The following SORBS2 variants were observed in gnomAD, a reference collection of about 807,000 sequenced individuals.
The protein encoded by SORBS2 is sorbin and SH3 domain containing 2.
Under a neutral mutation model 97.7 loss-of-function variants are expected in SORBS2, and 46 were observed. The observed-to-expected ratio is 0.47, with a 90% CI of 0.37 to 0.60. The LOEUF (loss-of-function observed/expected upper bound fraction) is 0.60. Among genes scored for constraint, SORBS2 ranks in the 20% least tolerant of loss-of-function variants. The probability of loss-of-function intolerance (pLI) is 0.00; values close to 1 mark genes in which losing one functional copy is unlikely to be tolerated. For missense variants in SORBS2, 1,316 were observed against 1,282.3 expected (o/e 1.03, Z -0.40); for synonymous variants, 476 against 473.4 (o/e 1.01, Z -0.07).
At chr4:185,656,209 T>C (rs548753454) in intron 1 of SORBS2, among the ~76,000 whole-genome samples, 28 of 152,354 alleles carry the variant, frequency 1.8e-4, no homozygotes, top group Non-Finnish European at 3.7e-4. Context: ...TAGAATGTCA[T>C]ATCACATTCA....
chr4:185,605,008 C>T (rs4308407), intron 12 of SORBS2, among the ~76,000 whole-genome samples: 98,323 of 151,782 alleles, frequency 0.65, 32,805 homozygotes, highest in East Asian at 0.91. Flanking sequence ...ATCACACCTT[C>T]AGATTGATTG....
intron 1 of SORBS2, among the ~76,000 whole-genome samples, chr4:185,821,549 G>A (rs953409116): frequency 1.5e-4 from 23 of 151,942 alleles, no homozygotes; most frequent in Admixed American, 9.2e-4. Context: ...TCAGCCTCCC[G>A]AGTAGCTGGG....
At chr4:185,894,302 G>A (rs1190419565) in intron 1 of SORBS2, 3 of 152,126 alleles carry the variant, frequency 2.0e-5, no homozygotes, top group Non-Finnish European at 4.4e-5. Context: ...CTCACCAGGT[G>A]CTTCATGGCC....
At position 185,943,743 on chromosome 4, in the gene SORBS2, G is replaced by A. The variant is rs570434487; in HGVS notation, c.-338+12453C>T. On this transcript the variant is annotated intron_variant, in intron 1 of 20. Transcript: ENST00000284776. ...AAGACTAAAAGTGAAATGGACGTTA[G>A]GTTATATTAGAAAACTATTAATTTT... 6.6e-5 allele frequency among the ~76,000 whole-genome samples: 10 copies of A among 152,220 alleles called. No homozygotes were observed. In the South Asian group the frequency reaches 1.9e-3, roughly 28 times the overall value.
At chr4:185,650,941 T>C (rs2097302755) in intron 2 of SORBS2, among the ~76,000 whole-genome samples, 1 of 152,078 alleles carries the variant, frequency 6.6e-6, no homozygotes, top group East Asian at 1.9e-4. Flanking sequence ...TTAAAGGGCC[T>C]GAATGTGGTC....
intron 3 of SORBS2, among the ~76,000 whole-genome samples, chr4:185,647,523 C>G (rs920336429): frequency 2.0e-5 from 3 of 150,948 alleles, no homozygotes; most frequent in Admixed American, 6.6e-5. Context: ...CTCAAGCCAT[C>G]CTCTCTCCTC....
intron 2 of SORBS2, among the ~76,000 whole-genome samples, chr4:185,717,208 A>T (rs540377324): frequency 6.6e-6 from 1 of 152,294 alleles, no homozygotes; most frequent in South Asian, 2.1e-4. Context: ...ATTCCCCGGG[A>T]GCGACCTTCA....
rs375535054 is a variant in SORBS2, at chr4:185,587,694, A to C, written c.2954-6T>G. ...TTTGGTTCTTCTTGAGGTCCCTGAA[A>C]ATAGAAGCGAGTCATGAAAGGGGGG... On this transcript the variant is annotated splice_polypyrimidine_tract_variant and splice_region_variant and intron_variant, in intron 14 of 14. Coordinates refer to ENST00000418609, the Ensembl canonical transcript of SORBS2. The C allele has an allele frequency of 5.5e-4, 888 of 1,611,088 alleles. 1 individual carries two copies. The highest frequency in any genetic ancestry group is 6.9e-4 in the Non-Finnish European group (807 of 1,177,860).
chr4:185,923,760 C>T (rs7682613), intron 1 of SORBS2, among the ~76,000 whole-genome samples: 4 of 152,048 alleles, frequency 2.6e-5, no homozygotes, highest in Non-Finnish European at 4.4e-5. Flanking sequence ...CACTTCTACA[C>T]GACCTCCTTC....
At chr4:185,592,309 T>G (rs942462370) in intron 13 of SORBS2, among the ~76,000 whole-genome samples, 8 of 152,218 alleles carry the variant, frequency 5.3e-5, no homozygotes, top group Non-Finnish European at 1.2e-4. Context: ...CAGGCTATAA[T>G]CAAATATAAA....
chr4:185,730,372 T>G (rs1367579921), intron 2 of SORBS2, among the ~76,000 whole-genome samples: 2 of 143,578 alleles, frequency 1.4e-5, no homozygotes, highest in Non-Finnish European at 3.0e-5. Context: ...ATCTGGAGAG[T>G]GGGTTGAAGT....
At chr4:185,722,472 C>T (rs1348783066) in intron 2 of SORBS2, among the ~76,000 whole-genome samples, 1 of 152,176 alleles carries the variant, frequency 6.6e-6, no homozygotes, top group African/African-American at 2.4e-5. Context: ...GAAGCAGCTA[C>T]ATTGCCTTTT....
At chr4:185,725,043 T>G (rs62334814) in intron 2 of SORBS2, among the ~76,000 whole-genome samples, 6,310 of 152,302 alleles carry the variant, frequency 0.041, 195 homozygotes, top group Non-Finnish European at 0.062. Flanking sequence ...GAATCATACA[T>G]AAGACGGTGT....
chr4:185,854,774 G>C (rs1406968944), intron 1 of SORBS2, among the ~76,000 whole-genome samples: 1 of 125,534 alleles, frequency 8.0e-6, no homozygotes, highest in African/African-American at 3.0e-5. Context: ...GCTGCACAAA[G>C]AGAAATAGAG....
intron 2 of SORBS2, among the ~76,000 whole-genome samples, chr4:185,687,509 C>T (rs2097990894): frequency 6.6e-6 from 1 of 152,172 alleles, no homozygotes; most frequent in Non-Finnish European, 1.5e-5. Flanking sequence ...CAAATGGCTT[C>T]TAAGTTGTTA....
intron 2 of SORBS2, among the ~76,000 whole-genome samples, chr4:185,709,040 C>T (rs112565151): frequency 0.013 from 1,989 of 152,292 alleles, 53 homozygotes; most frequent in African/African-American, 0.044. Flanking sequence ...TTTTTTGAGA[C>T]GGAGTCTCGC....
At chr4:185,677,834 T>C (rs2097815587) in intron 4 of SORBS2, among the ~76,000 whole-genome samples, 1 of 152,178 alleles carries the variant, frequency 6.6e-6, no homozygotes, top group East Asian at 1.9e-4. Context: ...GCACTTATGT[T>C]TATTATCAAT....
chr4:185,908,277 CTATATATATATATATATATATATATA>C (rs66526913), intron 1 of SORBS2, among the ~76,000 whole-genome samples: 17,983 of 89,722 alleles, frequency 0.2, 1,745 homozygotes, highest in Non-Finnish European at 0.25. Flanking sequence ...CATGCAAAGG[CTATATATATATATATATATATATATA>C]TATATATATA....
At chr4:185,943,300 A>C (rs2099272988) in intron 1 of SORBS2, among the ~76,000 whole-genome samples, 1 of 152,214 alleles carries the variant, frequency 6.6e-6, no homozygotes, top group South Asian at 2.1e-4. Flanking sequence ...AATGATTGTA[A>C]AAGGGAAAAC....
Sources: allele counts gnomAD v4.1 joint callset (sites outside exome capture counted in the v4.1 genomes callset), GRCh38; gene constraint gnomAD v4.1.1; transcripts MANE v1.5; gene names NCBI Gene and HGNC (gene_info 2026-07-23, HGNC 2026-07-21).